The following ZFAT variants were observed in gnomAD, a reference collection of about 807,000 sequenced individuals.
ZFAT encodes zinc finger protein ZFAT.
Under a neutral mutation model 117.7 loss-of-function variants are expected in ZFAT, and 64 were observed. That is an observed-to-expected ratio of 0.54 (90% CI 0.44 to 0.67). The LOEUF is 0.67. Among genes scored for constraint, ZFAT ranks in the 30% least tolerant of loss-of-function variants. ZFAT has a pLI of 0.00. For synonymous variants in ZFAT, 679 were observed against 615.0 expected (o/e 1.10, Z -1.54); for missense variants, 1,433 against 1,584.5 (o/e 0.90, Z 1.62).
upstream of ZFAT, among the ~76,000 whole-genome samples, chr8:134,716,035 G>A (rs1291373393): frequency 6.6e-6 from 1 of 152,072 alleles, no homozygotes; most frequent in East Asian, 1.9e-4. Flanking sequence ...GCCAAGGCTG[G>A]AGGATTGCTT....
intron 1 of ZFAT, among the ~76,000 whole-genome samples, chr8:134,665,048 C>G (rs1832139854): frequency 6.6e-6 from 1 of 152,224 alleles, no homozygotes. Context: ...TGTAAACATT[C>G]CCAGCCAAGA....
At chr8:134,705,397 C>G (rs1834123887) in intron 1 of ZFAT, among the ~76,000 whole-genome samples, 1 of 125,818 alleles carries the variant, frequency 7.9e-6, no homozygotes, top group Admixed American at 9.2e-5. Context: ...TTTTGTAGAG[C>G]TGGGATCTCA....
At chr8:134,729,488 C>A in the ZFAT span, among the ~76,000 whole-genome samples, 223 of 152,114 alleles carry the variant, frequency 1.5e-3, 1 homozygote, top group African/African-American at 5.1e-3. Context: ...CCTGCCACCA[C>A]GCCCAGCTAA....
rs548151429 is a variant in ZFAT, at chr8:134,545,848, C to T, written c.2977-12876G>A. Among the ~76,000 whole-genome samples, 15 of 152,304 alleles carry T rather than the reference C, an allele frequency of 9.8e-5. 1 individual carries two copies. The highest frequency in any genetic ancestry group is 3.6e-4 in the African/African-American group (15 of 41,558). ...CACTTCATAATTATTCATCACACCA[C>T]ATCTTCATGTCATATGTACTATTCT... is the stretch of plus-strand genomic sequence containing the variant. On this transcript the variant is annotated intron_variant, in intron 11 of 15. Coordinates refer to ENST00000377838, the MANE Select transcript of ZFAT (RefSeq NM_020863.4).
intron 14 of ZFAT, 135 bp from the exon 15 acceptor site, chr8:134,509,884 T>G: frequency 4.3e-6 from 5 of 1,158,630 alleles, no homozygotes; most frequent in Non-Finnish European, 6.1e-6. Flanking sequence ...ATCGCTCAGT[T>G]TGACAACAGA....
intron 7 of ZFAT, among the ~76,000 whole-genome samples, chr8:134,590,655 C>G (rs1472816974): frequency 1.5e-4 from 23 of 148,444 alleles, no homozygotes; most frequent in African/African-American, 5.4e-4. Context: ...ACCACCACCA[C>G]CACCAACACC....
At chr8:134,565,262 C>T (rs765759447) in intron 11 of ZFAT, 71 bp downstream of exon 11, 42 of 1,604,472 alleles carry the variant, frequency 2.6e-5, no homozygotes, top group Non-Finnish European at 3.5e-5. Flanking sequence ...AGAATGCTCT[C>T]TCCATCTTCA....
chr8:134,649,708 G>A (rs997259506), intron 2 of ZFAT, among the ~76,000 whole-genome samples: 1 of 152,130 alleles, frequency 6.6e-6, no homozygotes, highest in Non-Finnish European at 1.5e-5. Context: ...CATTAAACAA[G>A]ACCTAAATTT....
At chr8:134,591,322 C>T (rs1272952701) in intron 7 of ZFAT, among the ~76,000 whole-genome samples, 1 of 152,198 alleles carries the variant, frequency 6.6e-6, no homozygotes, top group East Asian at 1.9e-4. Flanking sequence ...TCCTGCCCCT[C>T]GGTGTCCCAC....
the ZFAT span, among the ~76,000 whole-genome samples, chr8:134,720,657 C>T: frequency 0.1 from 15,754 of 152,278 alleles, 1,036 homozygotes; most frequent in Non-Finnish European, 0.16. Flanking sequence ...CGCAAGAGGG[C>T]ACCTTGCAGA....
intron 7 of ZFAT, 148 bp from the exon 8 acceptor site, chr8:134,590,503 CACCATCATCAAT>C (rs1826388148): frequency 1.6e-6 from 1 of 619,062 alleles, no homozygotes; most frequent in Non-Finnish European, 2.9e-6. Flanking sequence ...ACCATCACAT[CACCATCATCAAT>C]ACCATCATCA....
chr8:134,520,271 C>T (rs1212199028), intron 13 of ZFAT, among the ~76,000 whole-genome samples: 1 of 152,176 alleles, frequency 6.6e-6, no homozygotes, highest in Non-Finnish European at 1.5e-5. Context: ...CAGCCCTCCA[C>T]AACAAAGGAT....
At chr8:134,554,247 C>T (rs1823399362) in intron 11 of ZFAT, among the ~76,000 whole-genome samples, 2 of 152,206 alleles carry the variant, frequency 1.3e-5, no homozygotes, top group Non-Finnish European at 2.9e-5. Context: ...CTGACAGGCA[C>T]TGTCAGAATC....
chr8:134,547,222 C>G (rs781673534), intron 11 of ZFAT, among the ~76,000 whole-genome samples: 6 of 152,226 alleles, frequency 3.9e-5, no homozygotes, highest in Non-Finnish European at 8.8e-5. Context: ...GTCTCCTTGG[C>G]CGCTGGAGCA....
chr8:134,704,601 T>C (rs2131362268), intron 1 of ZFAT, among the ~76,000 whole-genome samples: 1 of 152,312 alleles, frequency 6.6e-6, no homozygotes, highest in South Asian at 2.1e-4. Context: ...TTATTCTTTA[T>C]ACTTCAAAAA....
rs910449696 is a variant in ZFAT, at chr8:134,600,648, C to A, written c.2263G>T (p.Val755Leu). The A allele has an allele frequency of 6.3e-7, 1 of 1,587,344 alleles. No homozygotes were observed. Among genetic ancestry groups the A allele is most frequent in the Non-Finnish European group, 8.6e-7 (1 of 1,164,324 alleles). ...EYCGKLFWYQ[V>L]HFDMHVRTHT... The stretch of plus-strand genomic sequence containing the variant: ...GTGCGGACATGCATATCAAAATGCA[C>A]TTGGTACCAAAAAAGTTTGCCTAAA... Residue 755 changes from valine (V) to leucine (L), a missense_variant, in exon 7 of 16, where the codon GTG becomes TTG. Around this residue, in one of 5 missense-constraint regions of ZFAT, gnomAD observed 372 missense variants for 355.6 expected, o/e 1.05. Coordinates refer to ENST00000377838, the MANE Select transcript of ZFAT (RefSeq NM_020863.4).
At chr8:134,677,385 T>C (rs1832855604) in intron 1 of ZFAT, among the ~76,000 whole-genome samples, 1 of 152,154 alleles carries the variant, frequency 6.6e-6, no homozygotes, top group Non-Finnish European at 1.5e-5. Context: ...CTCCCAAGAC[T>C]AAATCAGGAA....
chr8:134,627,410 C>T (rs7818331), intron 3 of ZFAT, among the ~76,000 whole-genome samples: 114,875 of 152,200 alleles, frequency 0.75, 43,665 homozygotes, highest in East Asian at 0.91. Context: ...CTGCATTAGA[C>T]GGCAAACAAG....
the ZFAT span, among the ~76,000 whole-genome samples, chr8:134,721,049 A>G: frequency 6.6e-6 from 1 of 152,192 alleles, no homozygotes; most frequent in Non-Finnish European, 1.5e-5. Flanking sequence ...GAGCTCATCC[A>G]TCCCGGCCTT....
Sources: allele counts gnomAD v4.1 joint callset (sites outside exome capture counted in the v4.1 genomes callset), GRCh38; gene constraint gnomAD v4.1.1; regional missense constraint gnomAD v4.1.1; transcripts MANE v1.5; gene names NCBI Gene and HGNC (gene_info 2026-07-23, HGNC 2026-07-21).